The following NUBPL variants were observed in gnomAD, a reference collection of about 807,000 sequenced individuals.
NUBPL encodes iron-sulfur cluster transfer protein NUBPL.
In NUBPL, 31 loss-of-function variants were observed where a neutral mutation model predicts 45.7. The ratio of observed to expected loss-of-function variants is 0.68; its 90% confidence interval spans 0.51 to 0.92. The LOEUF is 0.92. NUBPL is among the 40% of genes least tolerant of loss of function. The pLI is 0.00. For missense variants in NUBPL, 401 were observed against 398.7 expected, an observed-to-expected ratio of 1.01 and a Z score of -0.05; for synonymous variants, 144 against 140.9, an observed-to-expected ratio of 1.02 and a Z score of -0.15.
intron 6 of NUBPL, among the ~76,000 whole-genome samples, chr14:31,705,972 C>T (rs2037441782): frequency 6.6e-6 from 1 of 152,174 alleles, no homozygotes; most frequent in African/African-American, 2.4e-5. Flanking sequence ...CCACCCGTGC[C>T]TCTCCCTCCA....
At chr14:31,722,835 G>C (rs1219130209) in intron 6 of NUBPL, among the ~76,000 whole-genome samples, 1 of 152,040 alleles carries the variant, frequency 6.6e-6, no homozygotes, top group Non-Finnish European at 1.5e-5. Context: ...GCTGGAATTA[G>C]ATCTTTGTCA....
At chr14:31,712,909 A>T (rs570618222) in intron 6 of NUBPL, among the ~76,000 whole-genome samples, 1 of 152,320 alleles carries the variant, frequency 6.6e-6, no homozygotes, top group Admixed American at 6.5e-5. Context: ...GAAAACAGGA[A>T]CTAGGGAGGG....
At chr14:31,626,857 T>C (rs996264371) in intron 4 of NUBPL, among the ~76,000 whole-genome samples, 4 of 152,216 alleles carry the variant, frequency 2.6e-5, no homozygotes, top group Non-Finnish European at 5.9e-5. Flanking sequence ...CATGTAATAG[T>C]TACTGACAGA....
intron 4 of NUBPL, among the ~76,000 whole-genome samples, chr14:31,661,483 G>A (rs2139770969): frequency 6.6e-6 from 1 of 152,274 alleles, no homozygotes; most frequent in South Asian, 2.1e-4. Flanking sequence ...GTTGTGTAGA[G>A]TCTTTCTTAA....
chr14:31,850,003 G>C (rs1477617563), intron 9 of NUBPL, 116 bp from the exon 10 acceptor site: 1 of 753,492 alleles, frequency 1.3e-6, no homozygotes, highest in Non-Finnish European at 2.3e-6. Flanking sequence ...TTAGAAGATA[G>C]TCAATTTGAA....
At chr14:31,719,695 G>A (rs893163159) in intron 6 of NUBPL, among the ~76,000 whole-genome samples, 1 of 151,576 alleles carries the variant, frequency 6.6e-6, no homozygotes, top group African/African-American at 2.4e-5. Flanking sequence ...TCTTATACTT[G>A]TGGTATAATT....
At chr14:31,849,324 C>CT in intron 9 of NUBPL, among the ~76,000 whole-genome samples, 1 of 152,152 alleles carries the variant, frequency 6.6e-6, no homozygotes, top group Non-Finnish European at 1.5e-5. Context: ...GGCAAGTCAA[C>CT]TTTTCCGCTT....
chr14:31,563,657 A>G (rs1595281100), intron 2 of NUBPL, among the ~76,000 whole-genome samples: 1 of 152,274 alleles, frequency 6.6e-6, no homozygotes, highest in East Asian at 1.9e-4. Flanking sequence ...AATACTTCCC[A>G]TTTGAATATA....
intron 6 of NUBPL, among the ~76,000 whole-genome samples, chr14:31,749,776 T>A (rs2038481419): frequency 6.6e-6 from 1 of 152,220 alleles, no homozygotes; most frequent in African/African-American, 2.4e-5. Flanking sequence ...AACTGTAATT[T>A]CATTAAACAT....
chr14:31,810,564 T>G (rs2039782270), intron 7 of NUBPL, among the ~76,000 whole-genome samples: 1 of 152,222 alleles, frequency 6.6e-6, no homozygotes, highest in African/African-American at 2.4e-5. Context: ...GTCTTGACTC[T>G]TTGTCCAGTT....
chr14:31,700,301 A>G (rs1239153587), intron 6 of NUBPL, among the ~76,000 whole-genome samples: 2 of 152,178 alleles, frequency 1.3e-5, no homozygotes, highest in Non-Finnish European at 2.9e-5. Context: ...ATACTTCTAC[A>G]CTGTTAAGAG....
chr14:31,767,271 C>T (rs370842516), intron 6 of NUBPL, among the ~76,000 whole-genome samples: 80 of 152,268 alleles, frequency 5.3e-4, no homozygotes, highest in African/African-American at 1.5e-3. Context: ...GGCGCGATCT[C>T]GGCTCACTGC....
At chr14:31,807,277 G>C (rs531293268) in intron 7 of NUBPL, among the ~76,000 whole-genome samples, 1 of 152,210 alleles carries the variant, frequency 6.6e-6, no homozygotes, top group Admixed American at 6.5e-5. Flanking sequence ...ATACTCCCCA[G>C]CATCTGTTGT....
chr14:31,853,327 A>G (rs369881811), intron 10 of NUBPL, among the ~76,000 whole-genome samples: 1 of 152,302 alleles, frequency 6.6e-6, no homozygotes, highest in East Asian at 1.9e-4. Context: ...AAGTGCTGGG[A>G]TTACAGACAT....
In NUBPL at chr14:31,779,353, G is replaced by A. The variant is rs150747713; in HGVS notation, c.514-8427G>A. ...AACTCCATCTCAAAAAAAAAAAGAA[G>A]AAGAAAGAAAGAGAACCTCATCATT... is the stretch of plus-strand genomic sequence containing the variant. On this transcript the variant is annotated intron_variant, in intron 6 of 10. Coordinates refer to ENST00000281081, the MANE Select transcript of NUBPL (RefSeq NM_025152.3). Among the ~76,000 whole-genome samples the A allele has an allele frequency of 8.9e-3, 1,349 of 151,868 alleles. 22 individuals are homozygous for A. Among genetic ancestry groups the A allele is most frequent in the African/African-American group, 0.031 (1,271 of 41,408 alleles).
chr14:31,596,373 C>G lies in NUBPL; in HGVS notation c.292-2916C>G, dbSNP rs1335363943. Among the ~76,000 whole-genome samples, 3 of 152,108 alleles carry G rather than the reference C, an allele frequency of 2.0e-5. No individual in the cohort carries two copies. The East Asian group carries it at 5.8e-4, about 29-fold the overall frequency. On this transcript the variant is annotated intron_variant, in intron 3 of 10. Transcript: ENST00000281081. ...CTCTGACGCTGAGATGACTGGCCTG[C>G]GTGCTCTTGGTGCTAACAAAATTAC...
chr14:31,853,267 G>A (rs1303048343), intron 10 of NUBPL, among the ~76,000 whole-genome samples: 1 of 152,090 alleles, frequency 6.6e-6, no homozygotes, highest in East Asian at 1.9e-4. Context: ...TGTTGCCCAG[G>A]CTGGTGTCAA....
chr14:31,774,279 A>T (rs2039060605), intron 6 of NUBPL, among the ~76,000 whole-genome samples: 1 of 152,226 alleles, frequency 6.6e-6, no homozygotes, highest in African/African-American at 2.4e-5. Context: ...TATGGTCCTT[A>T]GACTTGGCTT....
intron 6 of NUBPL, chr14:31,771,993 A>G (rs1032327423): frequency 1.9e-6 from 1 of 515,190 alleles, no homozygotes; most frequent in African/African-American, 2.1e-5. Context: ...ACCACTGAAC[A>G]GTGTCTGTAG....
Sources: allele counts gnomAD v4.1 joint callset (sites outside exome capture counted in the v4.1 genomes callset), GRCh38; gene constraint gnomAD v4.1.1; transcripts MANE v1.5; gene names NCBI Gene and HGNC (gene_info 2026-07-23, HGNC 2026-07-21).